HR: variants seen among roughly 807,000 people sequenced by gnomAD.
The protein encoded by HR is lysine-specific demethylase hairless.
A neutral mutation model predicts 128.6 loss-of-function variants in HR; 83 were observed. The observed-to-expected ratio is 0.65, with a 90% CI of 0.54 to 0.77. The LOEUF is 0.77. HR is among the 30% of genes least tolerant of loss of function. HR has a pLI of 0.00. For synonymous variants in HR, 681 were observed against 658.2 expected (o/e 1.03, Z -0.53); for missense variants, 1,490 against 1,574.6 (o/e 0.95, Z 0.91).
intron 18 of HR, 61 bp from the exon 19 acceptor site, chr8:22,115,823 C>G (rs1826571781): frequency 1.3e-6 from 2 of 1,515,406 alleles, no homozygotes; most frequent in South Asian, 1.1e-5. Flanking sequence ...CCCGCTGTCC[C>G]CCACCCTACT....
rs112016555 is a variant in HR at position 22,125,621 on chromosome 8, T to C, written c.1517A>G (p.Glu506Gly). Residue 506 changes from glutamate (E) to glycine (G), a missense_variant, in exon 4 of 19, where the codon GAG becomes GGG. This residue lies in a region of HR where 1,060 missense variants were observed against 1,060.9 expected (regional missense o/e 1.00). Transcript: ENST00000381418. ...AGAGTGGCAGGCGTGCCCTCCTCCC[T>C]CTCCAGCTGCCTGGGCACAACTTTG... The part of the protein sequence containing the change: ...QCQSCAQAAG[E>G]GGGHACHSQQ... 2,892 of 1,608,304 alleles carry C rather than the reference T, an allele frequency of 1.8e-3. 35 individuals are homozygous for C. The highest frequency in any genetic ancestry group is 9.9e-3 in the Middle Eastern group (59 of 5,984).
Position 22,129,078 on chromosome 8 carries a change from C to A in HR, c.93G>T (p.Pro31=). The change falls in exon 2 of 19, where the codon CCG becomes CCT. Residue 31 remains proline (P), a synonymous_variant. Transcript: ENST00000381418. The stretch of plus-strand genomic sequence containing the variant: ...GCCCATGGTGCAGTCCATCTCGAGG[C>A]GGGCTGCCGGGCTCCTGTCTCACGA... ...NGIVRQEPGS[P]PRDGLHHGPL... is the part of the protein sequence containing the mutation. 12 of 1,574,970 alleles carry A rather than the reference C, an allele frequency of 7.6e-6. No homozygotes were observed. The highest frequency in any genetic ancestry group is 1.0e-5 in the Non-Finnish European group (12 of 1,161,898).
chr8:22,129,014 C>T lies in HR; in HGVS notation c.157G>A (p.Val53Ile), dbSNP rs372594532. ...AGCCAGGAGTCTGGGGTGCTCAGGA[C>T]GCCCCTCCAAAAGGGAGCAGGCTCT... ...LGEPAPFWRG[V>I]LSTPDSWLPP... The change falls in exon 2 of 19, where the codon GTC (valine) becomes ATC (isoleucine). Residue 53 changes from valine to isoleucine, a missense_variant. By Grantham distance (29) the Val-to-Ile change is conservative. Transcript: ENST00000381418. 1.4e-5 allele frequency: 22 copies of T among 1,610,990 alleles called. No individual in the cohort carries two copies. The highest frequency in any genetic ancestry group is 2.2e-5 in the East Asian group (1 of 44,852).
rs751552444 is a variant in HR at position 22,116,383 on chromosome 8, A to G, written c.3424T>C (p.Ser1142Pro). ...STVSVTQHFL[S>P]PETSALSAQL... ...GCAGAGAGGGCAGAGGTCTCAGGGG[A>G]GAGGAAGTGCTGAGTGACGCTGACT... Residue 1142 changes from serine to proline, a missense_variant, in exon 18 of 19, where the codon TCC (serine) becomes CCC (proline). This residue lies in a region of HR where 423 missense variants were observed against 495.9 expected (regional missense o/e 0.85). Coordinates refer to ENST00000381418, the MANE Select transcript of HR (RefSeq NM_005144.5). This position sits in a 1 kb window ranked among gnomAD's most constrained non-coding sequence, Gnocchi z 4.2. 1 of 1,613,522 alleles carries G rather than the reference A, an allele frequency of 6.2e-7. No homozygotes were observed. Among genetic ancestry groups the G allele is most frequent in the South Asian group, 1.1e-5 (1 of 91,006 alleles).
Position 22,127,146 on chromosome 8 carries a change from C to G in HR, c.1296G>C (p.Pro432=). The change falls in exon 3 of 19, where the codon CCG becomes CCC. Residue 432 remains proline, a synonymous_variant. Coordinates refer to ENST00000381418, the MANE Select transcript of HR (RefSeq NM_005144.5). The part of the protein sequence containing the change: ...AMGSPAPKRP[P]DPFPGTAEQG... The stretch of plus-strand genomic sequence containing the variant: ...GTTCTGCAGTGCCTGGAAAAGGGTC[C>G]GGTGGCCGCTTGGGGGCTGGACTGC... 6.2e-7 allele frequency: 1 copy of G among 1,612,314 alleles called. No homozygotes were observed. The highest frequency in any genetic ancestry group is 8.5e-7 in the Non-Finnish European group (1 of 1,179,576).
At chr8:22,123,524 T>C (rs987813752) in intron 6 of HR, 125 bp downstream of exon 6, 3 of 914,236 alleles carry the variant, frequency 3.3e-6, no homozygotes, top group Non-Finnish European at 3.3e-6. Context: ...CCATGGTGGC[T>C]GAGGCTGGGG....
chr8:22,118,885 G>C, intron 16 of HR, 65 bp downstream of exon 16: 7 of 1,387,338 alleles, frequency 5.0e-6, no homozygotes, highest in Non-Finnish European at 7.1e-6. Flanking sequence ...GCACACTGGG[G>C]TGGGACTGGA....
Position 22,116,445 on chromosome 8 carries a change from T to G in HR, c.3379-17A>C. On this transcript the variant is annotated splice_polypyrimidine_tract_variant and intron_variant, in intron 17 of 18. Coordinates refer to ENST00000381418, the MANE Select transcript of HR (RefSeq NM_005144.5). This position sits in a 1 kb window ranked among gnomAD's most constrained non-coding sequence, Gnocchi z 4.2. Reference sequence around the variant, plus strand: ...GCCCTGCACCTGTGTCGGGGGGACATGGACAGTGAGGCTCAAGATCACACA... The same window carrying G: ...GCCCTGCACCTGTGTCGGGGGGACAGGGACAGTGAGGCTCAAGATCACACA... 6.2e-7 allele frequency: 1 copy of G among 1,613,000 alleles called. No individual in the cohort carries two copies. Among genetic ancestry groups the G allele is most frequent in the Non-Finnish European group, 8.5e-7 (1 of 1,179,572 alleles).
In HR at chr8:22,122,962, C is replaced by T. The variant is rs931608744; in HGVS notation, c.1916-83G>A. 16 of 1,322,356 alleles carry T rather than the reference C, an allele frequency of 1.2e-5. No homozygotes were observed. The Admixed American group carries it at 3.2e-4, about 26-fold the overall frequency. The allele number at this position is 1,322,356 out of a possible 1,614,324, so 81.9% of individuals were successfully genotyped here. On this transcript the variant is annotated intron_variant, in intron 6 of 18. Transcript: ENST00000381418. The stretch of plus-strand genomic sequence containing the variant: ...GGTCAGAGAAGGTCAGGACATGATA[C>T]CTAAACCAGGGGACTCAATAGTCCA...
Position 22,121,055 on chromosome 8 carries a change from C to G in HR, c.2367+10G>C. 2 of 1,613,502 alleles carry G rather than the reference C, an allele frequency of 1.2e-6. No individual in the cohort carries two copies. The highest frequency in any genetic ancestry group is 1.7e-6 in the Non-Finnish European group (2 of 1,179,978). On this transcript the variant is annotated intron_variant, in intron 10 of 18. Coordinates refer to ENST00000381418, the MANE Select transcript of HR (RefSeq NM_005144.5). Reference sequence around the variant, plus strand: ...CTGGCTCCTAGCCCTCCCTCCGTGCCCTCACTCACACTGGGCAGGGCCGGA... The same window carrying G: ...CTGGCTCCTAGCCCTCCCTCCGTGCGCTCACTCACACTGGGCAGGGCCGGA...
In HR at chr8:22,121,034, C is replaced by A. The variant is rs1468620158; in HGVS notation, c.2367+31G>T. The A allele has an allele frequency of 3.1e-6, 5 of 1,613,010 alleles. No individual in the cohort carries two copies. The African/African-American group carries it at 6.7e-5, about 22-fold the overall frequency. ...GCAGGCCCAGCCTCTGGTCCCCTGG[C>A]TCCTAGCCCTCCCTCCGTGCCCTCA... On this transcript the variant is annotated intron_variant, in intron 10 of 18. Transcript: ENST00000381418.
chr8:22,128,885 C>T lies in HR; in HGVS notation c.286G>A (p.Gly96Arg). The T allele has an allele frequency of 1.9e-6, 3 of 1,613,462 alleles. No homozygotes were observed. In the South Asian group the frequency reaches 3.3e-5, roughly 18 times the overall value. ...AGCATGGCCTCCTTCCAGCGCAGTC[C>T]CTCTTTGCTGCCCAGCCAGTTGACC... is the stretch of plus-strand genomic sequence containing the variant. Reference protein sequence around the residue: ...RKVNWLGSKEGLRWKEAMLTH... With the variant: ...RKVNWLGSKERLRWKEAMLTH... Residue 96 changes from glycine to arginine, a missense_variant, in exon 2 of 19, where the codon GGA becomes AGA. Around this residue, in one of 3 missense-constraint regions of HR, gnomAD observed 1,060 missense variants for 1,060.9 expected, o/e 1.00. Coordinates refer to ENST00000381418, the MANE Select transcript of HR (RefSeq NM_005144.5).
At chr8:22,120,219 C>T (rs772319613) in intron 12 of HR, 46 bp from the exon 13 acceptor site, 3 of 1,595,944 alleles carry the variant, frequency 1.9e-6, no homozygotes, top group South Asian at 1.1e-5. Flanking sequence ...AGCCCTGAAG[C>T]CCCTGCCCCG....
Position 22,127,158 on chromosome 8 carries a change from G to T in HR, c.1284C>A (p.Pro428=). 1 of 1,612,464 alleles carries T rather than the reference G, an allele frequency of 6.2e-7. No individual in the cohort carries two copies. Among genetic ancestry groups the T allele is most frequent in the Non-Finnish European group, 8.5e-7 (1 of 1,179,658 alleles). ...CTGGAAAAGGGTCCGGTGGCCGCTTGGGGGCTGGACTGCCCATTGCTCCCT... is the reference window on the plus strand; with the variant it reads ...CTGGAAAAGGGTCCGGTGGCCGCTTTGGGGCTGGACTGCCCATTGCTCCCT... ...EVQGAMGSPA[P]KRPPDPFPGT... is the part of the protein sequence containing the mutation. The change falls in exon 3 of 19, where the codon CCC becomes CCA. Residue 428 remains proline, a synonymous_variant. Transcript: ENST00000381418.
rs2131746745 is a variant in HR, at chr8:22,114,436, A to C, written c.*1264T>G. ...AAAGTATATTACCCTTATAATAAAA[A>C]ACTTTATTTAATAAAAAAAATTCCC... On this transcript the variant is annotated 3_prime_UTR_variant, in exon 19 of 19. Coordinates refer to ENST00000381418, the MANE Select transcript of HR (RefSeq NM_005144.5). 1 of 150,158 alleles carries C rather than the reference A, an allele frequency of 6.7e-6. No individual in the cohort carries two copies. The highest frequency in any genetic ancestry group is 1.9e-4 in the East Asian group (1 of 5,192). The allele number at this position is 150,158 out of a possible 1,614,324, so 9.3% of individuals were successfully genotyped here. A position where few individuals can be genotyped will look rare whatever the true frequency, so the allele number is the denominator to read the frequency against.
chr8:22,120,077 A>G, intron 13 of HR, 27 bp downstream of exon 13: 1 of 1,574,066 alleles, frequency 6.4e-7, no homozygotes, highest in South Asian at 1.2e-5. Context: ...GCGGGGAGGT[A>G]GGGCTGGCCC....
intron 8 of HR, 100 bp from the exon 9 acceptor site, chr8:22,121,794 A>G: frequency 8.1e-7 from 1 of 1,236,642 alleles, no homozygotes; most frequent in Non-Finnish European, 1.2e-6. Flanking sequence ...GACTCTTGTC[A>G]GTCCTAAAAT....
chr8:22,118,795 C>T, intron 16 of HR, 155 bp downstream of exon 16: 1 of 653,180 alleles, frequency 1.5e-6, no homozygotes, highest in Non-Finnish European at 2.7e-6. Flanking sequence ...GTCCCCTCTG[C>T]CTTCTCTGCA....
chr8:22,116,541 C>G lies in HR; in HGVS notation c.3379-113G>C, dbSNP rs1826592760. ...ACAACCACCCCCGACCCCTGGCTCT[C>G]AGAGAGCAGATTCCTGGATGCACCA... On this transcript the variant is annotated intron_variant, in intron 17 of 18. Coordinates refer to ENST00000381418, the MANE Select transcript of HR (RefSeq NM_005144.5). This position sits in a 1 kb window ranked among gnomAD's most constrained non-coding sequence, Gnocchi z 4.2. 5.1e-6 allele frequency: 7 copies of G among 1,383,622 alleles called. No individual in the cohort carries two copies. The highest frequency in any genetic ancestry group is 4.1e-5 in the Admixed American group (2 of 49,154). 85.7% of individuals were successfully genotyped at this position (1,383,622 alleles called of 1,614,324 possible).
Sources: allele counts gnomAD v4.1 joint callset, GRCh38; gene constraint gnomAD v4.1.1; regional missense constraint gnomAD v4.1.1; non-coding constraint Gnocchi (gnomAD v3.1); transcripts MANE v1.5; gene names NCBI Gene and HGNC (gene_info 2026-07-23, HGNC 2026-07-21).